CPXM2: variants seen among roughly 807,000 people sequenced by gnomAD.
CPXM2 encodes the protein inactive carboxypeptidase-like protein X2.
In CPXM2, 66 loss-of-function variants were observed where a neutral mutation model predicts 86.1. The observed-to-expected ratio is 0.77, with a 90% CI of 0.63 to 0.94. CPXM2 has a LOEUF of 0.94. CPXM2 is among the 40% of genes least tolerant of loss of function. The probability of loss-of-function intolerance (pLI) is 0.00; values close to 1 mark genes in which losing one functional copy is unlikely to be tolerated. For missense variants in CPXM2, 948 were observed against 1,026.3 expected, an observed-to-expected ratio of 0.92 and a Z score of 1.04; for synonymous variants, 388 against 400.2, an observed-to-expected ratio of 0.97 and a Z score of 0.36.
At chr10:123,852,707 C>T (rs1848629145) in intron 3 of CPXM2, among the ~76,000 whole-genome samples, 1 of 152,166 alleles carries the variant, frequency 6.6e-6, no homozygotes, top group South Asian at 2.1e-4. Context: ...CCTCCTGCTG[C>T]CCCTTGGCTA....
chr10:123,876,309 G>A (rs1944986963), intron 2 of CPXM2, among the ~76,000 whole-genome samples: 1 of 152,186 alleles, frequency 6.6e-6, no homozygotes, highest in Admixed American at 6.5e-5. Context: ...GTCAAGTGCT[G>A]CTACCAACAT....
chr10:123,942,881 C>A (rs960600533), upstream of CPXM2, among the ~76,000 whole-genome samples: 2 of 152,178 alleles, frequency 1.3e-5, no homozygotes, highest in African/African-American at 2.4e-5. Context: ...TGATGATGGT[C>A]CCATAAGATT....
At chr10:123,905,728 T>C (rs1564819231) in intron 2 of CPXM2, among the ~76,000 whole-genome samples, 2 of 152,144 alleles carry the variant, frequency 1.3e-5, no homozygotes, top group East Asian at 3.9e-4. Flanking sequence ...CAGACCATCC[T>C]GGGGGTCCCC....
Position 123,806,863 on chromosome 10 carries a change from G to A in CPXM2, c.654-7664C>T, listed in dbSNP as rs528171236. Among the ~76,000 whole-genome samples the A allele has an allele frequency of 1.3e-4, 20 of 152,134 alleles. No homozygotes were observed. In the South Asian group the frequency reaches 4.2e-3, roughly 32 times the overall value. On this transcript the variant is annotated intron_variant, in intron 4 of 13. Coordinates refer to ENST00000241305, the MANE Select transcript of CPXM2 (RefSeq NM_198148.3). ...CCATGATCCGGTCACCTCCCACCAC[G>A]TCCCTCCCCTACACGTAGGGATTAC...
At chr10:123,908,577 A>G (rs1334767784) in intron 2 of CPXM2, among the ~76,000 whole-genome samples, 2 of 152,088 alleles carry the variant, frequency 1.3e-5, no homozygotes, top group Non-Finnish European at 2.9e-5. Context: ...CAAGGCTACC[A>G]TGGAGGGCTC....
intron 2 of CPXM2, among the ~76,000 whole-genome samples, chr10:123,918,842 G>A (rs1014845318): frequency 6.6e-6 from 1 of 152,140 alleles, no homozygotes; most frequent in African/African-American, 2.4e-5. Flanking sequence ...CAAAGAGTGA[G>A]GTGGGAAGGA....
Position 123,754,669 on chromosome 10 carries a change from G to A in CPXM2, c.2011C>T (p.Arg671Ter), listed in dbSNP as rs147055269. ...TGCACACATTTGCAGTTACCTGTTC[G>A]GATGTCATGGTTAATGCCTTCTACG... Reference protein sequence around the residue: ...ISVEGINHDIRTANDGDYWRL... With the variant: ...ISVEGINHDI Residue 671 changes from arginine to a stop codon, truncating the protein, a stop_gained, in exon 13 of 14, where the codon CGA (arginine) becomes TGA (stop). Transcript: ENST00000241305. LOFTEE classifies it high-confidence loss of function. This position sits in a 1 kb window ranked among gnomAD's most constrained non-coding sequence, Gnocchi z 4.0. 2.8e-5 allele frequency: 44 copies of A among 1,560,796 alleles called. No individual in the cohort carries two copies. The highest frequency in any genetic ancestry group is 1.1e-4 in the African/African-American group (8 of 74,018).
intron 13 of CPXM2, among the ~76,000 whole-genome samples, chr10:123,749,935 A>G (rs1453315139): frequency 1.4e-5 from 2 of 147,794 alleles, no homozygotes; most frequent in African/African-American, 2.5e-5. Context: ...CCTCCCAAGT[A>G]GCTGGGATTA....
intron 4 of CPXM2, among the ~76,000 whole-genome samples, chr10:123,812,849 G>A (rs1224233749): frequency 2.0e-5 from 3 of 152,096 alleles, no homozygotes; most frequent in South Asian, 4.2e-4. Flanking sequence ...CCCACCATCT[G>A]TATAAAAACT....
At chr10:123,837,022 G>A (rs370496129) in intron 4 of CPXM2, among the ~76,000 whole-genome samples, 317 of 152,334 alleles carry the variant, frequency 2.1e-3, no homozygotes, top group African/African-American at 7.0e-3. Flanking sequence ...TCCGCCCAGC[G>A]GAGAAACAGC....
intron 10 of CPXM2, among the ~76,000 whole-genome samples, chr10:123,762,460 A>G (rs1043314902): frequency 2.0e-5 from 3 of 152,198 alleles, no homozygotes; most frequent in Non-Finnish European, 2.9e-5. Flanking sequence ...GGAATATTTT[A>G]TTTTGATATA....
chr10:123,749,817 G>GT (rs1554871135), intron 13 of CPXM2, among the ~76,000 whole-genome samples: 5 of 151,988 alleles, frequency 3.3e-5, no homozygotes, highest in Admixed American at 2.6e-4. Flanking sequence ...GTTTTGTTTT[G>GT]TTTTTTGAGA....
At chr10:123,777,476 C>T (rs1846820657) in intron 7 of CPXM2, 1 of 153,068 alleles carries the variant, frequency 6.5e-6, no homozygotes, top group Admixed American at 6.5e-5. Context: ...CTCCTCTCAT[C>T]CTTCTTCAGG....
chr10:123,920,479 T>G (rs1287361088), intron 2 of CPXM2, among the ~76,000 whole-genome samples: 2 of 152,122 alleles, frequency 1.3e-5, no homozygotes, highest in Admixed American at 6.5e-5. Context: ...GATACAAAAT[T>G]TAAAAAACAG....
chr10:123,866,786 G>A (rs1944800150), intron 2 of CPXM2, among the ~76,000 whole-genome samples: 1 of 152,190 alleles, frequency 6.6e-6, no homozygotes, highest in South Asian at 2.1e-4. Context: ...TTCTTCCTCG[G>A]CACTCTGTCC....
At chr10:123,811,594 A>G (rs923174075) in intron 4 of CPXM2, among the ~76,000 whole-genome samples, 18 of 152,252 alleles carry the variant, frequency 1.2e-4, no homozygotes, top group African/African-American at 4.3e-4. Flanking sequence ...AAACTGAAGT[A>G]CATTAAAATT....
At chr10:123,750,713 G>T (rs1464987376) in intron 13 of CPXM2, 1 of 985,264 alleles carries the variant, frequency 1.0e-6, no homozygotes, top group Non-Finnish European at 1.2e-6. Flanking sequence ...AAGGTCAAAA[G>T]AATGAATACA....
chr10:123,787,534 A>T (rs1217725488), intron 6 of CPXM2, among the ~76,000 whole-genome samples: 2 of 152,058 alleles, frequency 1.3e-5, no homozygotes, highest in Non-Finnish European at 2.9e-5. Context: ...GGGTTTCGCC[A>T]TGTTGGCCAG....
Position 123,885,946 on chromosome 10 carries a change from G to A in CPXM2, c.304+5410C>T, listed in dbSNP as rs1945171949. 6.6e-6 allele frequency among the ~76,000 whole-genome samples: 1 copy of A among 152,212 alleles called. No homozygotes were observed. Among genetic ancestry groups the A allele is most frequent in the Admixed American group, 6.5e-5 (1 of 15,284 alleles). ...TGCAGTCCAGCTTTCGCAAACGTGG[G>A]TGTGTCCTCCTTTATTATCCATGCG... On this transcript the variant is annotated intron_variant, in intron 1 of 13. Transcript: ENST00000241305. This position sits in a 1 kb window ranked among gnomAD's most constrained non-coding sequence, Gnocchi z 4.0.
Sources: allele counts gnomAD v4.1 joint callset (sites outside exome capture counted in the v4.1 genomes callset), GRCh38; gene constraint gnomAD v4.1.1; non-coding constraint Gnocchi (gnomAD v3.1); transcripts MANE v1.5; gene names NCBI Gene and HGNC (gene_info 2026-07-23, HGNC 2026-07-21).